Variants in GBF1 observed in about 807,000 individuals in gnomAD.
GBF1 encodes golgi brefeldin A resistant guanine nucleotide exchange factor 1, also known as Golgi-specific brefeldin A-resistance guanine nucleotide exchange factor 1.
In GBF1, 114 loss-of-function variants were observed where a neutral mutation model predicts 210.5. That is an observed-to-expected ratio of 0.54 (90% CI 0.47 to 0.63). The LOEUF (loss-of-function observed/expected upper bound fraction) is 0.63. Among genes scored for constraint, GBF1 ranks in the 30% least tolerant of loss-of-function variants. The pLI, the probability that GBF1 is intolerant of heterozygous loss-of-function variation, is 0.00. For missense variants in GBF1, 1,851 were observed against 2,357.7 expected (o/e 0.79, Z 4.45); for synonymous variants, 850 against 889.2 (o/e 0.96, Z 0.78).
chr10:102,281,900 A>T (rs2075520325), intron 3 of GBF1, among the ~76,000 whole-genome samples: 1 of 150,044 alleles, frequency 6.7e-6, no homozygotes, highest in South Asian at 2.1e-4. Flanking sequence ...GTTTGCCTGT[A>T]TTCTTTTTCT....
rs760543842 is a variant in GBF1 at position 102,380,295 on chromosome 10, C to T, written c.4925C>T (p.Ala1642Val). Residue 1642 changes from alanine to valine, a missense_variant, in exon 37 of 40, where the codon GCG becomes GTG. Ala to Val is a moderately conservative substitution (Grantham distance 64). Around this residue, in one of 3 missense-constraint regions of GBF1, gnomAD observed 967 missense variants for 1,247.7 expected, o/e 0.78. Transcript: ENST00000369983. ...CCACTGCTGTCACTCTCTACCTTTG[C>T]GGCCCTCTGGCTCACCATCTTGGAC... ...LSPLLSLSTF[A>V]ALWLTILDFM... 21 of 1,613,954 alleles carry T rather than the reference C, an allele frequency of 1.3e-5. No homozygotes were observed. The highest frequency in any genetic ancestry group is 2.2e-5 in the South Asian group (2 of 91,076).
At chr10:102,302,726 G>GC (rs1554958026) in intron 3 of GBF1, among the ~76,000 whole-genome samples, 1 of 151,992 alleles carries the variant, frequency 6.6e-6, no homozygotes, top group Non-Finnish European at 1.5e-5. Flanking sequence ...GGGTGATTTT[G>GC]CCCCCCAGAG....
Position 102,376,671 on chromosome 10 carries a change from A to C in GBF1, c.4159A>C (p.Thr1387Pro), listed in dbSNP as rs778843479. The change falls in exon 32 of 40, where the codon ACT (threonine) becomes CCT (proline). Residue 1387 changes from threonine to proline, a missense_variant. Thr to Pro is a conservative substitution (Grantham distance 38). Around this residue, in one of 3 missense-constraint regions of GBF1, gnomAD observed 967 missense variants for 1,247.7 expected, o/e 0.78. Transcript: ENST00000369983. ...GGGACTGGATTTGGGGCCACACGACACTAAGTCTCTGCTTAAGTGTGTGGA... is the reference window on the plus strand; with the variant it reads ...GGGACTGGATTTGGGGCCACACGACCCTAAGTCTCTGCTTAAGTGTGTGGA... ...TVGLDLGPHD[T>P]KSLLKCVESL... 1.2e-6 allele frequency: 2 copies of C among 1,613,876 alleles called. No homozygotes were observed. Among genetic ancestry groups the C allele is most frequent in the Non-Finnish European group, 1.7e-6 (2 of 1,179,994 alleles).
At chr10:102,316,071 T>G (rs2134062675) in intron 3 of GBF1, among the ~76,000 whole-genome samples, 1 of 151,782 alleles carries the variant, frequency 6.6e-6, no homozygotes, top group African/African-American at 2.4e-5. Context: ...CCTTTCTGTT[T>G]TCCTTCCCTC....
chr10:102,329,860 G>A (rs2057203310), intron 3 of GBF1, among the ~76,000 whole-genome samples: 1 of 152,140 alleles, frequency 6.6e-6, no homozygotes, highest in South Asian at 2.1e-4. Context: ...TATAATCCCA[G>A]CACTTTGGGA....
intron 3 of GBF1, among the ~76,000 whole-genome samples, chr10:102,312,554 G>T (rs1407675677): frequency 1.3e-5 from 2 of 152,180 alleles, no homozygotes; most frequent in African/African-American, 4.8e-5. Flanking sequence ...ATTCTAGTTA[G>T]CAATTCCATC....
At chr10:102,335,344 A>G (rs1001019592) in intron 3 of GBF1, among the ~76,000 whole-genome samples, 4 of 152,168 alleles carry the variant, frequency 2.6e-5, no homozygotes, top group Non-Finnish European at 5.9e-5. Context: ...TGAGGTTGAC[A>G]GTCTTCCAGG....
chr10:102,362,759 C>G, intron 15 of GBF1, 95 bp downstream of exon 15: 5 of 876,524 alleles, frequency 5.7e-6, no homozygotes, highest in Admixed American at 2.4e-5. Flanking sequence ...ATCACTTCCC[C>G]TGGGATGCTC....
At chr10:102,287,047 C>T (rs1183199126) in intron 3 of GBF1, among the ~76,000 whole-genome samples, 3 of 152,116 alleles carry the variant, frequency 2.0e-5, no homozygotes, top group Non-Finnish European at 4.4e-5. Flanking sequence ...TCCAGTGGAG[C>T]CCCTTCTTTA....
At chr10:102,324,441 A>G (rs1316483325) in intron 3 of GBF1, among the ~76,000 whole-genome samples, 1 of 152,226 alleles carries the variant, frequency 6.6e-6, no homozygotes, top group African/African-American at 2.4e-5. Context: ...GGCTTTTACC[A>G]GGCTCCTTTG....
chr10:102,359,549 C>T (rs2059475942), intron 11 of GBF1, 114 bp downstream of exon 11: 3 of 738,134 alleles, frequency 4.1e-6, no homozygotes, highest in Non-Finnish European at 6.9e-6. Flanking sequence ...GCTCCAAGTT[C>T]TAGGCTATTT....
At chr10:102,266,142 G>A (rs1268673737) in intron 3 of GBF1, among the ~76,000 whole-genome samples, 3 of 152,234 alleles carry the variant, frequency 2.0e-5, no homozygotes, top group African/African-American at 7.2e-5. Context: ...GGGAGGCTGA[G>A]GCAGGAGAAT....
intron 3 of GBF1, among the ~76,000 whole-genome samples, chr10:102,323,059 T>C (rs922934384): frequency 3.3e-4 from 50 of 152,202 alleles, no homozygotes; most frequent in African/African-American, 1.1e-3. Context: ...AGGGCCCAGC[T>C]GAACACCTCT....
intron 3 of GBF1, among the ~76,000 whole-genome samples, chr10:102,334,915 AAG>A (rs1369010407): frequency 6.6e-6 from 1 of 152,064 alleles, no homozygotes; most frequent in African/African-American, 2.4e-5. Flanking sequence ...TTGGGAAGAC[AAG>A]AGGTGTGGGA....
chr10:102,233,492 C>CG, the GBF1 span, among the ~76,000 whole-genome samples: 5 of 151,846 alleles, frequency 3.3e-5, no homozygotes, highest in South Asian at 8.3e-4. Context: ...TTAGTAGAGA[C>CG]GGGGTTTCAC....
intron 3 of GBF1, among the ~76,000 whole-genome samples, chr10:102,274,625 G>A (rs2074749666): frequency 6.8e-6 from 1 of 146,834 alleles, no homozygotes; most frequent in African/African-American, 2.5e-5. Flanking sequence ...ATTCAACTTT[G>A]CATTTGAGTC....
intron 23 of GBF1, 150 bp from the exon 24 acceptor site, chr10:102,369,061 A>C: frequency 1.5e-6 from 1 of 677,506 alleles, no homozygotes; most frequent in East Asian, 2.5e-5. Context: ...GGAAGGCCTT[A>C]ACTAGGTTAA....
rs1262413424 is a variant in GBF1 at position 102,376,725 on chromosome 10, G to A, written c.4213G>A (p.Ala1405Thr). ...GCTGTCCTTCATTGTGCGTGATGCT[G>A]CCCACATCACACCTGACAACTTTGA... ...ESLSFIVRDA[A>T]HITPDNFELC... Residue 1405 changes from alanine to threonine, a missense_variant, in exon 32 of 40, where the codon GCC becomes ACC. By Grantham distance (58) the Ala-to-Thr change is moderately conservative (BLOSUM62 0). Around this residue, in one of 3 missense-constraint regions of GBF1, gnomAD observed 967 missense variants for 1,247.7 expected, o/e 0.78. Coordinates refer to ENST00000369983, the MANE Select transcript of GBF1 (RefSeq NM_001377137.1). 1 of 1,611,768 alleles carries A rather than the reference G, an allele frequency of 6.2e-7. No homozygotes were observed. The highest frequency in any genetic ancestry group is 8.5e-7 in the Non-Finnish European group (1 of 1,179,760).
chr10:102,244,191 A>G (rs2070641200), upstream of GBF1, among the ~76,000 whole-genome samples: 1 of 152,240 alleles, frequency 6.6e-6, no homozygotes. Context: ...GCATCGTAGC[A>G]CACGGATGGT....
Sources: gnomAD v4.1 joint callset for allele counts (sites outside exome capture counted in the v4.1 genomes callset) on GRCh38, gnomAD v4.1.1 for gene constraint, gnomAD v4.1.1 regional missense constraint, MANE v1.5 for transcripts, NCBI Gene and HGNC (gene_info 2026-07-23, HGNC 2026-07-21) for gene names.